Variants in DLGAP2 observed in about 807,000 individuals in gnomAD.
DLGAP2 encodes the protein disks large-associated protein 2.
DLGAP2 carries 26 observed loss-of-function variants against 100.3 expected under a neutral mutation model. The ratio of observed to expected loss-of-function variants is 0.26; its 90% confidence interval spans 0.19 to 0.36. The LOEUF (loss-of-function observed/expected upper bound fraction) is 0.36, where lower values mean the gene tolerates loss of function less well. Among genes scored for constraint, DLGAP2 ranks in the 10% least tolerant of loss-of-function variants. The pLI, the probability that DLGAP2 is intolerant of heterozygous loss-of-function variation, is 1.00. For missense variants in DLGAP2, 1,858 were observed against 1,453.2 expected (o/e 1.28, Z -4.53); for synonymous variants, 886 against 630.1 (o/e 1.41, Z -6.08).
chr8:1,361,057 T>G (rs1048487841), intron 3 of DLGAP2, among the ~76,000 whole-genome samples: 10 of 152,238 alleles, frequency 6.6e-5, no homozygotes, highest in African/African-American at 2.4e-4. Flanking sequence ...CTTTTAAGCT[T>G]TGTGTGGGCA....
intron 1 of DLGAP2, among the ~76,000 whole-genome samples, chr8:770,727 G>T (rs1821334403): frequency 2.6e-5 from 4 of 152,110 alleles, no homozygotes; most frequent in Non-Finnish European, 4.4e-5. Context: ...GGTTCAGGGG[G>T]TTATGCTTGC....
At chr8:847,535 C>T (rs1328490580) in intron 1 of DLGAP2, among the ~76,000 whole-genome samples, 2 of 151,188 alleles carry the variant, frequency 1.3e-5, no homozygotes, top group South Asian at 2.1e-4. Context: ...GAGACAAGGT[C>T]TCGCTCTGTC....
At chr8:1,208,987 G>T (rs1210125667) in intron 2 of DLGAP2, among the ~76,000 whole-genome samples, 2 of 152,028 alleles carry the variant, frequency 1.3e-5, no homozygotes, top group African/African-American at 4.8e-5. Flanking sequence ...AAACACTGAT[G>T]AAAGAAATCA....
chr8:1,310,906 A>G (rs1486704453), intron 3 of DLGAP2, among the ~76,000 whole-genome samples: 1 of 152,224 alleles, frequency 6.6e-6, no homozygotes, highest in Non-Finnish European at 1.5e-5. Flanking sequence ...TCAAAGAATC[A>G]GAAGAAAGCT....
intron 2 of DLGAP2, among the ~76,000 whole-genome samples, chr8:1,099,218 A>C (rs1023235360): frequency 1.3e-5 from 2 of 152,174 alleles, no homozygotes; most frequent in African/African-American, 2.4e-5. Flanking sequence ...CCGAATGCGT[A>C]GTAACTGCGA....
At chr8:1,313,483 G>T (rs1268657719) in intron 3 of DLGAP2, among the ~76,000 whole-genome samples, 9 of 152,090 alleles carry the variant, frequency 5.9e-5, no homozygotes, top group Non-Finnish European at 1.3e-4. Context: ...ATGGAGAATG[G>T]TAAAGTCCGG....
chr8:1,117,541 G>A (rs1269750767), intron 2 of DLGAP2, among the ~76,000 whole-genome samples: 1 of 151,356 alleles, frequency 6.6e-6, no homozygotes, highest in African/African-American at 2.4e-5. Context: ...TTTCATTCCT[G>A]ACCGTCAGAT....
chr8:1,061,455 A>G (rs1246909046), intron 2 of DLGAP2, among the ~76,000 whole-genome samples: 1 of 152,076 alleles, frequency 6.6e-6, no homozygotes, highest in Non-Finnish European at 1.5e-5. Flanking sequence ...TAGAATTTAC[A>G]GTTATAACTC....
Position 1,509,868 on chromosome 8 carries a change from A to G in DLGAP2, c.172+8437A>G, listed in dbSNP as rs529988693. Reference sequence around the variant, plus strand: ...ATTGCTCATACGCTGTGACCAGGTAACCCAGCATCACCTGTCCAGGTTTAA... The same window carrying G: ...ATTGCTCATACGCTGTGACCAGGTAGCCCAGCATCACCTGTCCAGGTTTAA... On this transcript the variant is annotated intron_variant, in intron 4 of 14. Transcript: ENST00000637795. Among the ~76,000 whole-genome samples, 4 of 152,294 alleles carry G rather than the reference A, an allele frequency of 2.6e-5. No homozygotes were observed. The East Asian group carries it at 7.7e-4, about 29-fold the overall frequency.
chr8:1,277,870 A>C (rs1215883978), intron 3 of DLGAP2, among the ~76,000 whole-genome samples: 1 of 152,200 alleles, frequency 6.6e-6, no homozygotes, highest in African/African-American at 2.4e-5. Context: ...AGTTAGGCAG[A>C]TGTGTCATGT....
In DLGAP2 at chr8:1,707,585, C is replaced by A. The variant is rs1799740504; in HGVS notation, c.*6179C>A. On this transcript the variant is annotated 3_prime_UTR_variant, in exon 15 of 15. Transcript: ENST00000637795. ...CTAGGCTACTTTCGAACGCTTCCTT[C>A]CGAACGGTAAGCCACTTCGCTCTCG... is the stretch of plus-strand genomic sequence containing the variant. 1 of 152,156 alleles carries A rather than the reference C, an allele frequency of 6.6e-6. No individual in the cohort carries two copies. The highest frequency in any genetic ancestry group is 6.5e-5 in the Admixed American group (1 of 15,284). 9.4% of individuals were successfully genotyped at this position (152,156 alleles called of 1,614,324 possible).
At chr8:932,642 A>G (rs1405618106) in intron 2 of DLGAP2, among the ~76,000 whole-genome samples, 1 of 152,232 alleles carries the variant, frequency 6.6e-6, no homozygotes, top group Admixed American at 6.5e-5. Flanking sequence ...GTGAAGGGCT[A>G]TTATGCCTGC....
intron 2 of DLGAP2, among the ~76,000 whole-genome samples, chr8:1,056,830 C>A (rs1157376958): frequency 6.6e-6 from 1 of 152,230 alleles, no homozygotes; most frequent in Non-Finnish European, 1.5e-5. Context: ...TGAGTACATG[C>A]AACTGTGCCC....
At chr8:799,763 A>C (rs894090717) in intron 1 of DLGAP2, among the ~76,000 whole-genome samples, 2 of 152,074 alleles carry the variant, frequency 1.3e-5, no homozygotes, top group African/African-American at 4.8e-5. Context: ...CATCCAGCTA[A>C]TTTTTAATTT....
Position 1,682,692 on chromosome 8 carries a change from G to T in DLGAP2, c.2704+4063G>T, listed in dbSNP as rs147938981. On this transcript the variant is annotated intron_variant, in intron 12 of 14. Coordinates refer to ENST00000637795, the MANE Select transcript of DLGAP2 (RefSeq NM_001346810.2). Reference sequence around the variant, plus strand: ...TTTCACCATGTTGGCCAGGATAATCGTGAACTCCTGGCCTCAAGTGATCTG... The same window carrying T: ...TTTCACCATGTTGGCCAGGATAATCTTGAACTCCTGGCCTCAAGTGATCTG... Among the ~76,000 whole-genome samples, 160 of 151,430 alleles carry T rather than the reference G, an allele frequency of 1.1e-3. 2 individuals carry two copies. The highest frequency in any genetic ancestry group is 3.2e-3 in the African/African-American group (133 of 41,432).
chr8:1,206,616 T>G (rs36165502), intron 2 of DLGAP2, among the ~76,000 whole-genome samples: 21 of 87,242 alleles, frequency 2.4e-4, no homozygotes, highest in East Asian at 7.1e-4. Context: ...ATCCGTGGAC[T>G]GGGGTAGACT....
intron 2 of DLGAP2, among the ~76,000 whole-genome samples, chr8:1,254,898 C>CTGTGCTCTCTCCTGCCCAGGTGCTGTGTG (rs1799138908): frequency 1.2e-5 from 1 of 83,894 alleles, no homozygotes; most frequent in African/African-American, 4.5e-5. Flanking sequence ...CGTGCTGTGT[C>CTGTGCTCTCTCCTGCCCAGGTGCTGTGTG]TGTGCTCTCT....
Position 1,043,590 on chromosome 8 carries a change from A to T in DLGAP2, c.73+135624A>T, listed in dbSNP as rs561706441. 1.9e-3 allele frequency among the ~76,000 whole-genome samples: 296 copies of T among 152,052 alleles called. 1 individual carries two copies. Among genetic ancestry groups the T allele is most frequent in the Middle Eastern group, 6.8e-3 (2 of 294 alleles). On this transcript the variant is annotated intron_variant, in intron 2 of 14. Coordinates refer to ENST00000637795, the MANE Select transcript of DLGAP2 (RefSeq NM_001346810.2). The stretch of plus-strand genomic sequence containing the variant: ...ACCCCTGTGACAGTGTTGGTGAGTG[A>T]TAACGAAAACTAGGAGGACTGCAGT...
intron 2 of DLGAP2, among the ~76,000 whole-genome samples, chr8:1,072,405 AT>A (rs1180707441): frequency 5.3e-5 from 8 of 152,302 alleles, no homozygotes; most frequent in African/African-American, 1.9e-4. Flanking sequence ...GATGAGTTTG[AT>A]TTGTAGAAAT....
Sources: allele counts gnomAD v4.1 joint callset (sites outside exome capture counted in the v4.1 genomes callset), GRCh38; gene constraint gnomAD v4.1.1; transcripts MANE v1.5; gene names NCBI Gene and HGNC (gene_info 2026-07-23, HGNC 2026-07-21).